Variants in PCDHGA10 observed in about 807,000 individuals in gnomAD.
PCDHGA10 encodes the protein protocadherin gamma subfamily A, 10.
Under a neutral mutation model 59.5 loss-of-function variants are expected in PCDHGA10, and 42 were observed. The observed-to-expected ratio is 0.71, with a 90% CI of 0.55 to 0.91. The LOEUF is 0.91. PCDHGA10 is among the 40% of genes least tolerant of loss of function. The pLI is 0.00. For missense variants in PCDHGA10, 1,111 were observed against 1,198.2 expected (o/e 0.93, Z 1.07); for synonymous variants, 511 against 517.2 (o/e 0.99, Z 0.16).
At position 141,413,855 on chromosome 5, in the gene PCDHGA10, C is replaced by G. The variant is rs2095686270; in HGVS notation, c.680C>G (p.Ser227Cys). ...TCCGACGGGGGTGACCCTCTCCGAT[C>G]TGGCACTGTCCTTGTCAGTGTGACT... is the stretch of plus-strand genomic sequence containing the variant. ...TASDGGDPLR[S>C]GTVLVSVTVF... The change falls in exon 1 of 4, where the codon TCT (serine) becomes TGT (cysteine). Residue 227 changes from serine (S) to cysteine (C), a missense_variant. By Grantham distance (112) the Ser-to-Cys change is moderately radical. Transcript: ENST00000398610. The G allele has an allele frequency of 6.2e-7, 1 of 1,613,206 alleles. No individual in the cohort carries two copies. Among genetic ancestry groups the G allele is most frequent in the African/African-American group, 1.3e-5 (1 of 74,876 alleles).
intron 1 of PCDHGA10, among the ~76,000 whole-genome samples, chr5:141,420,727 G>C (rs1454487477): frequency 2.0e-5 from 3 of 152,180 alleles, no homozygotes; most frequent in African/African-American, 7.2e-5. Flanking sequence ...CTTTCAGTCG[G>C]TTAAAATCAA....
chr5:141,502,955 T>C (rs2099817293), intron 2 of PCDHGA10, among the ~76,000 whole-genome samples: 1 of 149,868 alleles, frequency 6.7e-6, no homozygotes, highest in Non-Finnish European at 1.5e-5. Context: ...GCGATTCTCC[T>C]GCCTCAGCCT....
At position 141,412,992 on chromosome 5, in the gene PCDHGA10, G is replaced by A. The variant is rs1367027301; in HGVS notation, c.-184G>A. The A allele has an allele frequency of 1.8e-6, 1 of 568,350 alleles. No individual in the cohort carries two copies. Among genetic ancestry groups the A allele is most frequent in the Non-Finnish European group, 3.0e-6 (1 of 337,016 alleles). The allele number at this position is 568,350 out of a possible 1,614,324, so 35.2% of individuals were successfully genotyped here. A position where few individuals can be genotyped will look rare whatever the true frequency, so the allele number is the denominator to read the frequency against. ...AGAAAACGCAGCCAGAGCTCAATCCGGATTCTCAGGGCTTCAACTACACAA... is the reference window on the plus strand; with the variant it reads ...AGAAAACGCAGCCAGAGCTCAATCCAGATTCTCAGGGCTTCAACTACACAA... On this transcript the variant is annotated 5_prime_UTR_variant, in exon 1 of 4. Coordinates refer to ENST00000398610, the MANE Select transcript of PCDHGA10 (RefSeq NM_018913.3).
chr5:141,414,699 C>T lies in PCDHGA10; in HGVS notation c.1524C>T (p.Tyr508=), dbSNP rs2095778847. 2 of 1,613,952 alleles carry T rather than the reference C, an allele frequency of 1.2e-6. No individual in the cohort carries two copies. The highest frequency in any genetic ancestry group is 1.7e-6 in the Non-Finnish European group (2 of 1,179,940). The change falls in exon 1 of 4, where the codon TAC becomes TAT. Residue 508 remains tyrosine (Y), a synonymous_variant. Transcript: ENST00000398610. ...DTIQGVPLSS[Y]ISINSDTGVL... is the part of the protein sequence containing the mutation. ...TCCAGGGGGTACCTCTGTCCTCATA[C>T]ATATCCATCAACTCAGACACTGGCG...
At chr5:141,460,035 A>G (rs1246945474) in intron 1 of PCDHGA10, among the ~76,000 whole-genome samples, 1 of 152,140 alleles carries the variant, frequency 6.6e-6, no homozygotes, top group Non-Finnish European at 1.5e-5. Context: ...CCGAGACTGC[A>G]CCACTGCACT....
In PCDHGA10 at chr5:141,486,697, C is replaced by T. The variant is rs146956400; in HGVS notation, c.2437-8110C>T. 89 of 1,614,058 alleles carry T rather than the reference C, an allele frequency of 5.5e-5. No homozygotes were observed. Among genetic ancestry groups the T allele is most frequent in the Non-Finnish European group, 7.4e-5 (87 of 1,180,040 alleles). ...GAGATGTATCAGCTTCCTCTTTCAT[C>T]TCTCTGAACCCCCAGACAGGAGCTG... On this transcript the variant is annotated intron_variant, in intron 1 of 3. Coordinates refer to ENST00000398610, the MANE Select transcript of PCDHGA10 (RefSeq NM_018913.3). The surrounding 1 kb of genome is among the most constrained non-coding windows in gnomAD (Gnocchi z 5.0).
intron 1 of PCDHGA10, among the ~76,000 whole-genome samples, chr5:141,458,248 G>A (rs173682): frequency 3.3e-5 from 5 of 152,112 alleles, no homozygotes; most frequent in African/African-American, 9.7e-5. Flanking sequence ...AAAATGATAC[G>A]GCTCTGATGA....
In PCDHGA10 at chr5:141,489,412, G is replaced by C; in HGVS notation, c.2437-5395G>C. On this transcript the variant is annotated intron_variant, in intron 1 of 3. Coordinates refer to ENST00000398610, the MANE Select transcript of PCDHGA10 (RefSeq NM_018913.3). The surrounding 1 kb of genome is among the most constrained non-coding windows in gnomAD (Gnocchi z 4.5). ...TCAGGATCTGGGCTTAAAGATGACAGATCTGTTGAGCCGGCGGCTGCAATT... is the reference window on the plus strand; with the variant it reads ...TCAGGATCTGGGCTTAAAGATGACACATCTGTTGAGCCGGCGGCTGCAATT... The C allele has an allele frequency of 6.2e-7, 1 of 1,614,172 alleles. No individual in the cohort carries two copies. Among genetic ancestry groups the C allele is most frequent in the Non-Finnish European group, 8.5e-7 (1 of 1,180,040 alleles).
At chr5:141,502,767 C>T (rs970206343) in intron 2 of PCDHGA10, among the ~76,000 whole-genome samples, 1 of 151,756 alleles carries the variant, frequency 6.6e-6, no homozygotes, top group East Asian at 1.9e-4. Flanking sequence ...TGCTGGTATT[C>T]TTCTGAAAAT....
chr5:141,430,926 C>A (rs145535410), intron 1 of PCDHGA10: 4 of 1,607,308 alleles, frequency 2.5e-6, no homozygotes, highest in African/African-American at 1.3e-5. Context: ...GGGCTGGAGC[C>A]CCGGGAGCTC....
chr5:141,490,597 C>T lies in PCDHGA10; in HGVS notation c.2437-4210C>T, dbSNP rs781077720. Reference sequence around the variant, plus strand: ...TTCAGATGTCAATGACAATGCACCCCGCTTCAACCAGCAGCTTTACACTGC... The same window carrying T: ...TTCAGATGTCAATGACAATGCACCCTGCTTCAACCAGCAGCTTTACACTGC... On this transcript the variant is annotated intron_variant, in intron 1 of 3. Coordinates refer to ENST00000398610, the MANE Select transcript of PCDHGA10 (RefSeq NM_018913.3). The surrounding 1 kb of genome is among the most constrained non-coding windows in gnomAD (Gnocchi z 5.4). The T allele has an allele frequency of 1.2e-5, 20 of 1,614,182 alleles. No homozygotes were observed. The highest frequency in any genetic ancestry group is 3.3e-5 in the Admixed American group (2 of 60,026).
intron 1 of PCDHGA10, among the ~76,000 whole-genome samples, chr5:141,447,978 C>T (rs759162070): frequency 1.1e-4 from 17 of 151,694 alleles, no homozygotes; most frequent in East Asian, 3.9e-4. Flanking sequence ...CCCAGCTACT[C>T]GGGAGGCTGA....
At chr5:141,497,129 T>G (rs528066007) in intron 2 of PCDHGA10, among the ~76,000 whole-genome samples, 1 of 151,692 alleles carries the variant, frequency 6.6e-6, no homozygotes, top group Admixed American at 6.6e-5. Flanking sequence ...GAGGTTGCAG[T>G]GAGCTGAGAT....
At chr5:141,464,611 A>G (rs2099087451) in intron 1 of PCDHGA10, among the ~76,000 whole-genome samples, 3 of 152,194 alleles carry the variant, frequency 2.0e-5, no homozygotes, top group African/African-American at 7.2e-5. Context: ...TTTGCAGAGT[A>G]TATTGTCAAG....
At position 141,414,102 on chromosome 5, in the gene PCDHGA10, A is replaced by G; in HGVS notation, c.927A>G (p.Glu309=). The change falls in exon 1 of 4, where the codon GAA becomes GAG. Residue 309 remains glutamate (E), a synonymous_variant. Transcript: ENST00000398610. ...NKYTGEIKIS[E]NLDYEETGFY... is the part of the protein sequence containing the mutation. ...ATACTGGAGAAATAAAAATATCAGA[A>G]AATCTAGATTATGAAGAAACCGGTT... is the stretch of plus-strand genomic sequence containing the variant. The G allele has an allele frequency of 6.3e-7, 1 of 1,593,854 alleles. No individual in the cohort carries two copies. Among genetic ancestry groups the G allele is most frequent in the Non-Finnish European group, 8.5e-7 (1 of 1,169,872 alleles).
In PCDHGA10 at chr5:141,486,143, G is replaced by T; in HGVS notation, c.2437-8664G>T. On this transcript the variant is annotated intron_variant, in intron 1 of 3. Coordinates refer to ENST00000398610, the MANE Select transcript of PCDHGA10 (RefSeq NM_018913.3). This position sits in a 1 kb window ranked among gnomAD's most constrained non-coding sequence, Gnocchi z 5.0. ...CTATGAATTTGATGTGCGGGCTCGC[G>T]ATGGGGGTTCTCCAGCCATGGAGCA... 6.2e-7 allele frequency: 1 copy of T among 1,614,198 alleles called. No homozygotes were observed. Among genetic ancestry groups the T allele is most frequent in the Non-Finnish European group, 8.5e-7 (1 of 1,180,030 alleles).
At chr5:141,498,796 G>C (rs1160540093) in intron 2 of PCDHGA10, among the ~76,000 whole-genome samples, 1 of 152,032 alleles carries the variant, frequency 6.6e-6, no homozygotes, top group African/African-American at 2.4e-5. Context: ...AGCCAGGTGT[G>C]GTGGTGCACA....
chr5:141,413,381 G>A lies in PCDHGA10; in HGVS notation c.206G>A (p.Arg69His). The A allele has an allele frequency of 6.2e-7, 1 of 1,613,946 alleles. No individual in the cohort carries two copies. The highest frequency in any genetic ancestry group is 8.5e-7 in the Non-Finnish European group (1 of 1,179,880). The change falls in exon 1 of 4, where the codon CGC becomes CAC. Residue 69 changes from arginine to histidine, a missense_variant. Transcript: ENST00000398610. Reference sequence around the variant, plus strand: ...CGGGAGCTGGCGGAGCGCGGAGTCCGCATAGTCTCCAGAGGTAGGACGCAG... The same window carrying A: ...CGGGAGCTGGCGGAGCGCGGAGTCCACATAGTCTCCAGAGGTAGGACGCAG... ...APRELAERGV[R>H]IVSRGRTQLF...
chr5:141,451,037 C>T (rs1293972996), intron 1 of PCDHGA10, among the ~76,000 whole-genome samples: 1 of 151,594 alleles, frequency 6.6e-6, no homozygotes, highest in Middle Eastern at 3.2e-3. Context: ...ACCATATTGG[C>T]CAGGCTGGTC....
Sources: allele counts gnomAD v4.1 joint callset (sites outside exome capture counted in the v4.1 genomes callset), GRCh38; gene constraint gnomAD v4.1.1; non-coding constraint Gnocchi (gnomAD v3.1); transcripts MANE v1.5; gene names NCBI Gene and HGNC (gene_info 2026-07-23, HGNC 2026-07-21).